Variants in BRAF observed in about 807,000 individuals in gnomAD.
The protein encoded by BRAF is serine/threonine-protein kinase B-raf.
BRAF carries 16 observed loss-of-function variants against 104.6 expected under a neutral mutation model. The ratio of observed to expected loss-of-function variants is 0.15; its 90% CI spans 0.10 to 0.23. The LOEUF (loss-of-function observed/expected upper bound fraction) is 0.23, where lower values mean the gene tolerates loss of function less well. Among genes scored for constraint, BRAF ranks in the 10% least tolerant of loss-of-function variants. The pLI is 1.00. For missense variants in BRAF, 541 were observed against 937.3 expected, an observed-to-expected ratio of 0.58 and a Z score of 5.52; for synonymous variants, 310 against 341.6, an observed-to-expected ratio of 0.91 and a Z score of 1.02.
At chr7:140,785,019 T>C (rs1801215742) in intron 10 of BRAF, among the ~76,000 whole-genome samples, 1 of 152,224 alleles carries the variant, frequency 6.6e-6, no homozygotes, top group African/African-American at 2.4e-5. Context: ...AATGAAATTA[T>C]ACTGTAAACT....
intron 14 of BRAF, among the ~76,000 whole-genome samples, chr7:140,770,332 T>C (rs1799717039): frequency 6.6e-6 from 1 of 152,154 alleles, no homozygotes; most frequent in Non-Finnish European, 1.5e-5. Flanking sequence ...GGCATGCTCA[T>C]CATTGTTTAA....
chr7:140,874,971 C>T (rs564769422), intron 1 of BRAF, among the ~76,000 whole-genome samples: 3 of 152,276 alleles, frequency 2.0e-5, no homozygotes. Flanking sequence ...GATATGCCTG[C>T]TTCCCCTTTA....
At chr7:140,838,204 T>C (rs947466776) in intron 2 of BRAF, among the ~76,000 whole-genome samples, 51 of 152,216 alleles carry the variant, frequency 3.4e-4, no homozygotes, top group Middle Eastern at 3.2e-3. Context: ...TAAGCTCTCT[T>C]TGTCAAAATC....
At chr7:140,905,990 A>G (rs933690691) in intron 1 of BRAF, among the ~76,000 whole-genome samples, 2 of 140,434 alleles carry the variant, frequency 1.4e-5, no homozygotes, top group Middle Eastern at 3.4e-3. Flanking sequence ...TGGGAGGCTG[A>G]GGCAGGAGAA....
intron 1 of BRAF, among the ~76,000 whole-genome samples, chr7:140,859,954 T>TGGGATTACAGGCGTAAGCC: frequency 6.6e-6 from 1 of 152,384 alleles, no homozygotes; most frequent in South Asian, 2.1e-4. Context: ...CCCAAAGTGC[T>TGGGATTACAGGCGTAAGCC]GGGATTACAG....
chr7:140,724,782 G>C lies in BRAF; in HGVS notation c.*1712C>G, dbSNP rs2930322. The C allele has an allele frequency of 0.069, 71,428 of 1,035,048 alleles. 2,616 individuals carry two copies. The highest frequency in any genetic ancestry group is 0.11 in the South Asian group (2,435 of 21,728). 64.1% of individuals were successfully genotyped at this position (1,035,048 alleles called of 1,614,324 possible). A position where few individuals can be genotyped will look rare whatever the true frequency, so the allele number is the denominator to read the frequency against. ...TCTTTCAAGTCCTTGGCTATAGCTT[G>C]GTTGGTCTGATTTGATTTGTGTTCC... On this transcript the variant is annotated 3_prime_UTR_variant, in exon 20 of 20. Coordinates refer to ENST00000644969, the MANE Select transcript of BRAF (RefSeq NM_001374258.1).
chr7:140,865,167 C>T (rs950701588), intron 1 of BRAF, among the ~76,000 whole-genome samples: 7 of 151,832 alleles, frequency 4.6e-5, no homozygotes, highest in African/African-American at 9.7e-5. Flanking sequence ...GCAGACTCCG[C>T]GTCCTGGGCT....
intron 2 of BRAF, among the ~76,000 whole-genome samples, chr7:140,849,849 A>G (rs1318531893): frequency 6.6e-6 from 1 of 151,946 alleles, no homozygotes; most frequent in African/African-American, 2.4e-5. Context: ...ATAAAAATAA[A>G]AATTTAATTC....
chr7:140,873,153 T>C (rs532575830), intron 1 of BRAF, among the ~76,000 whole-genome samples: 102 of 144,142 alleles, frequency 7.1e-4, no homozygotes, highest in African/African-American at 2.4e-3. Context: ...AGTAAGAACA[T>C]CACAGTCTGT....
At chr7:140,882,469 G>A (rs1000907553) in intron 1 of BRAF, among the ~76,000 whole-genome samples, 1 of 148,496 alleles carries the variant, frequency 6.7e-6, no homozygotes, top group Non-Finnish European at 1.5e-5. Flanking sequence ...TCTGCCTCCC[G>A]GGGGTTCAAG....
intron 3 of BRAF, among the ~76,000 whole-genome samples, chr7:140,822,010 G>A (rs917098316): frequency 1.3e-5 from 2 of 152,054 alleles, no homozygotes; most frequent in Non-Finnish European, 2.9e-5. Flanking sequence ...AACAGAAACC[G>A]GAGGCTACTA....
At chr7:140,877,714 A>T (rs1020435734) in intron 1 of BRAF, among the ~76,000 whole-genome samples, 2 of 152,310 alleles carry the variant, frequency 1.3e-5, no homozygotes, top group South Asian at 2.1e-4. Flanking sequence ...TAATAAGAAT[A>T]CTATGAAAAA....
Position 140,851,371 on chromosome 7 carries a change from G to A in BRAF, c.139-1159C>T, listed in dbSNP as rs184319448. The stretch of plus-strand genomic sequence containing the variant: ...AATATAACACACAGTAGAAATTATG[G>A]CCTTTTAAACTATTCAAAGTTATAA... On this transcript the variant is annotated intron_variant, in intron 1 of 19. Transcript: ENST00000644969. 2.1e-3 allele frequency among the ~76,000 whole-genome samples: 319 copies of A among 151,922 alleles called. 1 individual carries two copies. The highest frequency in any genetic ancestry group is 7.2e-3 in the African/African-American group (300 of 41,428).
intron 2 of BRAF, among the ~76,000 whole-genome samples, chr7:140,847,780 G>C (rs1287399623): frequency 6.6e-6 from 1 of 152,096 alleles, no homozygotes; most frequent in African/African-American, 2.4e-5. Context: ...AAGAAGGCTG[G>C]ATATCTTGAG....
At chr7:140,746,209 T>G (rs1423850255) in intron 17 of BRAF, among the ~76,000 whole-genome samples, 1 of 152,192 alleles carries the variant, frequency 6.6e-6, no homozygotes, top group Non-Finnish European at 1.5e-5. Context: ...CTATCTATTC[T>G]TCAAAGAAGA....
chr7:140,912,103 T>C (rs1427911809), intron 1 of BRAF, among the ~76,000 whole-genome samples: 1 of 152,202 alleles, frequency 6.6e-6, no homozygotes, highest in East Asian at 1.9e-4. Flanking sequence ...CAGTGAGCTA[T>C]GACTGTGCCA....
chr7:140,755,050 A>G (rs752313706), intron 14 of BRAF, among the ~76,000 whole-genome samples: 10 of 152,246 alleles, frequency 6.6e-5, no homozygotes, highest in Non-Finnish European at 7.4e-5. Context: ...GTCTTACTCT[A>G]TCACCCAGGC....
chr7:140,863,115 A>G (rs1031222673), intron 1 of BRAF, among the ~76,000 whole-genome samples: 10 of 152,184 alleles, frequency 6.6e-5, no homozygotes, highest in African/African-American at 2.2e-4. Flanking sequence ...AATCTCTCAC[A>G]AAATTGGAAA....
At chr7:140,853,573 T>G (rs1460152944) in intron 1 of BRAF, among the ~76,000 whole-genome samples, 1 of 152,196 alleles carries the variant, frequency 6.6e-6, no homozygotes, top group Admixed American at 6.5e-5. Context: ...AGTGCAGGAC[T>G]TGTGAATTTA....
Sources: allele counts gnomAD v4.1 joint callset (sites outside exome capture counted in the v4.1 genomes callset), GRCh38; gene constraint gnomAD v4.1.1; transcripts MANE v1.5; gene names NCBI Gene and HGNC (gene_info 2026-07-23, HGNC 2026-07-21).